Variants in DNAJC12 observed in about 807,000 individuals in gnomAD.
DNAJC12 encodes dnaJ homolog subfamily C member 12.
A neutral mutation model predicts 28.5 loss-of-function variants in DNAJC12; 25 were observed. The observed-to-expected ratio is 0.88, with a 90% CI of 0.64 to 1.22. The LOEUF (loss-of-function observed/expected upper bound fraction) is 1.22, where lower values mean the gene tolerates loss of function less well. DNAJC12 is among the 50% of genes most tolerant of loss of function. DNAJC12 has a pLI of 0.00. For synonymous variants in DNAJC12, 77 were observed against 80.6 expected, an observed-to-expected ratio of 0.95 and a Z score of 0.24; for missense variants, 222 against 231.7, an observed-to-expected ratio of 0.96 and a Z score of 0.27.
chr10:67,838,064 T>C lies in DNAJC12; in HGVS notation c.-53A>G, dbSNP rs1842156812. 1 of 1,244,010 alleles carries C rather than the reference T, an allele frequency of 8.0e-7. No homozygotes were observed. Among genetic ancestry groups the C allele is most frequent in the Admixed American group, 2.0e-5 (1 of 50,984 alleles). 77.1% of individuals were successfully genotyped at this position (1,244,010 alleles called of 1,614,324 possible). On this transcript the variant is annotated 5_prime_UTR_variant, in exon 1 of 5. Coordinates refer to ENST00000225171, the MANE Select transcript of DNAJC12 (RefSeq NM_021800.3). Reference sequence around the variant, plus strand: ...CTCGGAAACAAGAGGCACAGTGAGCTTCGAATTAACAGGAAGAAACTCTTT... The same window carrying C: ...CTCGGAAACAAGAGGCACAGTGAGCCTCGAATTAACAGGAAGAAACTCTTT...
chr10:67,825,769 A>G (rs1842023883), intron 1 of DNAJC12, among the ~76,000 whole-genome samples: 2 of 152,214 alleles, frequency 1.3e-5, no homozygotes, highest in South Asian at 2.1e-4. Flanking sequence ...TAATAACTCT[A>G]TTATTTTCTT....
In DNAJC12 at chr10:67,826,766, C is replaced by A. The variant is rs1264260416; in HGVS notation, c.79-3374G>T. Among the ~76,000 whole-genome samples the A allele has an allele frequency of 5.3e-4, 40 of 75,184 alleles. 5 individuals are homozygous for A. Among genetic ancestry groups the A allele is most frequent in the Non-Finnish European group, 9.3e-4 (33 of 35,436 alleles). 49.3% of individuals were successfully genotyped at this position (75,184 alleles called of 152,430 possible). ...ATATATATCATTATATATCTGATATCTAATGATATATAATATATATCATTA... is the reference window on the plus strand; with the variant it reads ...ATATATATCATTATATATCTGATATATAATGATATATAATATATATCATTA... On this transcript the variant is annotated intron_variant, in intron 1 of 4. Coordinates refer to ENST00000225171, the MANE Select transcript of DNAJC12 (RefSeq NM_021800.3).
chr10:67,798,019 G>A (rs925488376), intron 4 of DNAJC12, among the ~76,000 whole-genome samples: 2 of 145,664 alleles, frequency 1.4e-5, no homozygotes, highest in Non-Finnish European at 3.0e-5. Flanking sequence ...AGGCCTGGGC[G>A]ACAGAGCGAG....
chr10:67,808,829 C>T (rs1317809332), intron 3 of DNAJC12, among the ~76,000 whole-genome samples: 1 of 152,124 alleles, frequency 6.6e-6, no homozygotes, highest in Non-Finnish European at 1.5e-5. Flanking sequence ...GGATAACATC[C>T]AATTAAGACA....
At position 67,811,577 on chromosome 10, in the gene DNAJC12, G is replaced by A. The variant is rs1322957339; in HGVS notation, c.244C>T (p.Gln82Ter). The stretch of plus-strand genomic sequence containing the variant: ...CACTGCTGGAATGGCATCGACATCT[G>A]GCTCCTTCGCCAGTGGTCATAGCGG... ...RARYDHWRRSQMSMPFQQWEA... is the reference protein window; with the variant it reads ...RARYDHWRRS Residue 82 changes from glutamine to a stop codon, truncating the protein, a stop_gained, in exon 3 of 5, where the codon CAG (glutamine) becomes TAG (stop). Transcript: ENST00000225171. LOFTEE classifies it high-confidence loss of function. 1 of 1,614,118 alleles carries A rather than the reference G, an allele frequency of 6.2e-7. No homozygotes were observed. The highest frequency in any genetic ancestry group is 8.5e-7 in the Non-Finnish European group (1 of 1,180,018).
At chr10:67,805,900 G>A in intron 3 of DNAJC12, 113 bp from the exon 4 acceptor site, 1 of 735,794 alleles carries the variant, frequency 1.4e-6, no homozygotes, top group Non-Finnish European at 2.0e-6. Flanking sequence ...CTAATTAACA[G>A]CATGTTAGAC....
chr10:67,806,279 C>G (rs552606783), intron 3 of DNAJC12, among the ~76,000 whole-genome samples: 28 of 152,172 alleles, frequency 1.8e-4, no homozygotes, highest in Non-Finnish European at 3.5e-4. Context: ...TACCACAACT[C>G]AAGACTAGAA....
In DNAJC12 at chr10:67,823,234, A is replaced by C; in HGVS notation, c.157+80T>G. 4 of 1,187,432 alleles carry C rather than the reference A, an allele frequency of 3.4e-6. No individual in the cohort carries two copies. The South Asian group carries it at 5.2e-5, about 15-fold the overall frequency. 73.6% of individuals were successfully genotyped at this position (1,187,432 alleles called of 1,614,324 possible). A position where few individuals can be genotyped will look rare whatever the true frequency, so the allele number is the denominator to read the frequency against. On this transcript the variant is annotated intron_variant, in intron 2 of 4. Transcript: ENST00000225171. Reference sequence around the variant, plus strand: ...GCATAATAGACAAGAGAAAATTGAGAAAATTAAGTTACTATTCACTGGCTT... The same window carrying C: ...GCATAATAGACAAGAGAAAATTGAGCAAATTAAGTTACTATTCACTGGCTT...
rs892405737 is a variant in DNAJC12 at position 67,803,697 on chromosome 10, T to C, written c.502+1886A>G. Among the ~76,000 whole-genome samples, 3 of 152,212 alleles carry C rather than the reference T, an allele frequency of 2.0e-5. No individual in the cohort carries two copies. In the East Asian group the frequency reaches 5.8e-4, roughly 29 times the overall value. On this transcript the variant is annotated intron_variant, in intron 4 of 4. Transcript: ENST00000225171. ...CTGAATCTGACAGAAACAGAAAGAC[T>C]TGGGGAACCCCCAGGGGTTCAAGAA...
chr10:67,837,818 G>A, intron 1 of DNAJC12, 116 bp downstream of exon 1: 1 of 681,884 alleles, frequency 1.5e-6, no homozygotes, highest in Non-Finnish European at 2.3e-6. Context: ...AACAACACAA[G>A]GTTAGGTTTG....
intron 4 of DNAJC12, among the ~76,000 whole-genome samples, chr10:67,804,999 T>C (rs1841784299): frequency 6.6e-6 from 1 of 152,074 alleles, no homozygotes. Flanking sequence ...GCCACTGCAC[T>C]CCAGCCTAGA....
chr10:67,823,409 T>C lies in DNAJC12; in HGVS notation c.79-17A>G, dbSNP rs763177445. On this transcript the variant is annotated splice_polypyrimidine_tract_variant and intron_variant, in intron 1 of 4. Transcript: ENST00000225171. ...TTGTTCAACCTGAAACAAAAATCAGTGTTTAAAATAAAGAGTCATGCCAGG... is the reference window on the plus strand; with the variant it reads ...TTGTTCAACCTGAAACAAAAATCAGCGTTTAAAATAAAGAGTCATGCCAGG... 3.7e-6 allele frequency: 6 copies of C among 1,612,012 alleles called. No individual in the cohort carries two copies. The highest frequency in any genetic ancestry group is 5.1e-6 in the Non-Finnish European group (6 of 1,178,466).
At chr10:67,810,933 A>G (rs10997821) in intron 3 of DNAJC12, 15,010 of 152,288 alleles carry the variant, frequency 0.099, 1,012 homozygotes, top group East Asian at 0.3. Flanking sequence ...TGTCTATAAT[A>G]TATAAAGGTC....
intron 3 of DNAJC12, among the ~76,000 whole-genome samples, chr10:67,806,877 T>G (rs1424925973): frequency 1.3e-5 from 2 of 151,392 alleles, no homozygotes; most frequent in African/African-American, 4.9e-5. Context: ...AAAATATAAC[T>G]GTAGTTATGC....
chr10:67,818,682 A>G (rs1369572391), intron 2 of DNAJC12, among the ~76,000 whole-genome samples: 1 of 151,768 alleles, frequency 6.6e-6, no homozygotes, highest in Non-Finnish European at 1.5e-5. Context: ...TTGAGACACA[A>G]TTTCACTCTT....
intron 4 of DNAJC12, among the ~76,000 whole-genome samples, chr10:67,802,827 A>G (rs1323674314): frequency 6.8e-6 from 1 of 147,106 alleles, no homozygotes; most frequent in East Asian, 2.0e-4. Flanking sequence ...TACGTATATT[A>G]AGTTATTGTG....
chr10:67,796,960 A>AT lies in DNAJC12; in HGVS notation c.*155dup. On this transcript the variant is annotated 3_prime_UTR_variant, in exon 5 of 5. Coordinates refer to ENST00000225171, the MANE Select transcript of DNAJC12 (RefSeq NM_021800.3). ...TCTGAATTTTTCTTATTTAAAAAGCATTATGAGAACTGATTCAAGGATGGA... is the reference window on the plus strand; with the variant it reads ...TCTGAATTTTTCTTATTTAAAAAGCATTTATGAGAACTGATTCAAGGATGGA... The AT allele has an allele frequency of 2.0e-6, 1 of 510,576 alleles. No homozygotes were observed. Among genetic ancestry groups the AT allele is most frequent in the Non-Finnish European group, 3.5e-6 (1 of 289,502 alleles). The allele number at this position is 510,576 out of a possible 1,614,324, so 31.6% of individuals were successfully genotyped here. A position where few individuals can be genotyped will look rare whatever the true frequency, so the allele number is the denominator to read the frequency against.
chr10:67,796,982 T>A lies in DNAJC12; in HGVS notation c.*134A>T. 1.8e-6 allele frequency: 1 copy of A among 569,770 alleles called. No homozygotes were observed. Among genetic ancestry groups the A allele is most frequent in the East Asian group, 3.1e-5 (1 of 32,444 alleles). The allele number at this position is 569,770 out of a possible 1,614,324, so 35.3% of individuals were successfully genotyped here. ...AGCATTATGAGAACTGATTCAAGGA[T>A]GGAGGAATCAATTAGTACTCAGCAA... On this transcript the variant is annotated 3_prime_UTR_variant, in exon 5 of 5. Coordinates refer to ENST00000225171, the MANE Select transcript of DNAJC12 (RefSeq NM_021800.3).
At chr10:67,827,085 T>A (rs1297732551) in intron 1 of DNAJC12, among the ~76,000 whole-genome samples, 2 of 151,476 alleles carry the variant, frequency 1.3e-5, no homozygotes, top group African/African-American at 2.4e-5. Context: ...TTAATTCCTA[T>A]CCCACTAGAA....
Sources: allele counts gnomAD v4.1 joint callset (sites outside exome capture counted in the v4.1 genomes callset), GRCh38; gene constraint gnomAD v4.1.1; transcripts MANE v1.5; gene names NCBI Gene and HGNC (gene_info 2026-07-23, HGNC 2026-07-21).